CDC42EP1: variants seen among roughly 807,000 people sequenced by gnomAD.
The protein encoded by CDC42EP1 is CDC42 effector protein 1.
Under a neutral mutation model 7.4 loss-of-function variants are expected in CDC42EP1, and 6 were observed. The ratio of observed to expected loss-of-function variants is 0.81; its 90% CI spans 0.44 to 1.60. The LOEUF is 1.60. Ranked by LOEUF, CDC42EP1 falls within the 40% of genes most tolerant of loss-of-function variation. The pLI is 0.01. For synonymous variants in CDC42EP1, 238 were observed against 227.1 expected, an observed-to-expected ratio of 1.05 and a Z score of -0.43; for missense variants, 567 against 539.0, an observed-to-expected ratio of 1.05 and a Z score of -0.51.
At position 37,568,265 on chromosome 22, in the gene CDC42EP1, C is replaced by T; in HGVS notation, c.621C>T (p.Leu207=). 6.2e-7 allele frequency: 1 copy of T among 1,613,720 alleles called. No individual in the cohort carries two copies. Among genetic ancestry groups the T allele is most frequent in the Non-Finnish European group, 8.5e-7 (1 of 1,179,996 alleles). Residue 207 remains leucine, a synonymous_variant, in exon 3 of 3, where the codon CTC becomes CTT. Transcript: ENST00000249014. ...RLDLDLGPSL[L]SELLGVMSLP... ...ACCTCGACCTTGGGCCCTCACTCCT[C>T]AGCGAGCTGCTAGGGGTCATGAGCC...
Position 37,566,821 on chromosome 22 carries a change from C to G in CDC42EP1, c.463+9C>G, listed in dbSNP as rs368331218. On this transcript the variant is annotated intron_variant, in intron 2 of 2. Coordinates refer to ENST00000249014, the MANE Select transcript of CDC42EP1 (RefSeq NM_152243.3). This position sits in a 1 kb window ranked among gnomAD's most constrained non-coding sequence, Gnocchi z 6.4. ...CGGCCACTCCAGCTACGGTGAGGGC[C>G]TGGGCCATCTTGGCCCACTTTTCAG... The G allele has an allele frequency of 7.8e-6, 12 of 1,532,956 alleles. No individual in the cohort carries two copies. Among genetic ancestry groups the G allele is most frequent in the Non-Finnish European group, 1.1e-5 (12 of 1,142,262 alleles). 95.0% of individuals were successfully genotyped at this position (1,532,956 alleles called of 1,614,324 possible). A position where few individuals can be genotyped will look rare whatever the true frequency, so the allele number is the denominator to read the frequency against.
At position 37,566,566 on chromosome 22, in the gene CDC42EP1, A is replaced by G; in HGVS notation, c.217A>G (p.Ser73Gly). Residue 73 changes from serine to glycine, a missense_variant, in exon 2 of 3, where the codon AGC becomes GGC. Transcript: ENST00000249014. This position sits in a 1 kb window ranked among gnomAD's most constrained non-coding sequence, Gnocchi z 6.4. ...CAGCAACCACGGTGGCAGCTCCGGG[A>G]GCACCCATCGCTCACCCCGCAGCTT... ...FLSNHGGSSG[S>G]THRSPRSFLA... 6.2e-7 allele frequency: 1 copy of G among 1,607,144 alleles called. No homozygotes were observed. Among genetic ancestry groups the G allele is most frequent in the East Asian group, 2.2e-5 (1 of 44,712 alleles).
chr22:37,566,585 G>C lies in CDC42EP1; in HGVS notation c.236G>C (p.Arg79Pro), dbSNP rs369211517. 5.0e-6 allele frequency: 8 copies of C among 1,602,080 alleles called. 1 individual carries two copies. The South Asian group carries it at 5.6e-5, about 11-fold the overall frequency. Residue 79 changes from arginine (R) to proline (P), a missense_variant, in exon 2 of 3, where the codon CGC becomes CCC. Coordinates refer to ENST00000249014, the MANE Select transcript of CDC42EP1 (RefSeq NM_152243.3). The surrounding 1 kb of genome is among the most constrained non-coding windows in gnomAD (Gnocchi z 6.4). ...TCCGGGAGCACCCATCGCTCACCCC[G>C]CAGCTTCCTGGCCAAGAAGCTGCAG... The part of the protein sequence containing the change: ...GSSGSTHRSP[R>P]SFLAKKLQLV...
At position 37,560,547 on chromosome 22, in the gene CDC42EP1, G is replaced by T. The variant is rs962510745; in HGVS notation, c.-320G>T. 6.7e-6 allele frequency: 1 copy of T among 150,116 alleles called. No homozygotes were observed. The highest frequency in any genetic ancestry group is 1.5e-5 in the Non-Finnish European group (1 of 67,224). The allele number at this position is 150,116 out of a possible 1,614,324, so 9.3% of individuals were successfully genotyped here. A position where few individuals can be genotyped will look rare whatever the true frequency, so the allele number is the denominator to read the frequency against. On this transcript the variant is annotated 5_prime_UTR_variant, in exon 1 of 3. Transcript: ENST00000249014. ...CGCGGCCGCCGCCGCTGCAGACGAC[G>T]AGTCCGCCCTCGTCCCGCGCCCCCG...
chr22:37,568,526 G>T lies in CDC42EP1; in HGVS notation c.882G>T (p.Leu294Phe). The change falls in exon 3 of 3, where the codon TTG becomes TTT. Residue 294 changes from leucine to phenylalanine, a missense_variant. Transcript: ENST00000249014. ...GHCPNGVTAG[L>F]GPVAEVKSSP... Reference sequence around the variant, plus strand: ...GTCCCAATGGGGTAACAGCTGGGTTGGGCCCAGTGGCTGAGGTGAAGTCCA... The same window carrying T: ...GTCCCAATGGGGTAACAGCTGGGTTTGGCCCAGTGGCTGAGGTGAAGTCCA... 1 of 1,609,892 alleles carries T rather than the reference G, an allele frequency of 6.2e-7. No individual in the cohort carries two copies. Among genetic ancestry groups the T allele is most frequent in the Non-Finnish European group, 8.5e-7 (1 of 1,178,280 alleles).
Position 37,568,543 on chromosome 22 carries a change from T to A in CDC42EP1, c.899T>A (p.Val300Glu). Reference protein sequence around the residue: ...VTAGLGPVAEVKSSPVGGGPR... With the variant: ...VTAGLGPVAEEKSSPVGGGPR... The stretch of plus-strand genomic sequence containing the variant: ...GCTGGGTTGGGCCCAGTGGCTGAGG[T>A]GAAGTCCAGCCCAGTGGGAGGGGGT... Residue 300 changes from valine (V) to glutamate (E), a missense_variant, in exon 3 of 3, where the codon GTG (valine) becomes GAG (glutamate). Transcript: ENST00000249014. The A allele has an allele frequency of 6.2e-7, 1 of 1,608,636 alleles. No homozygotes were observed. The highest frequency in any genetic ancestry group is 1.1e-5 in the South Asian group (1 of 90,248).
chr22:37,568,487 AC>A lies in CDC42EP1; in HGVS notation c.847del (p.His283MetfsTer8). 1 of 1,606,326 alleles carries A rather than the reference AC, an allele frequency of 6.2e-7. No individual in the cohort carries two copies. Among genetic ancestry groups the A allele is most frequent in the Non-Finnish European group, 8.5e-7 (1 of 1,176,484 alleles). ...NPPAPAASSTPHGHCPNGVTA... is the reference protein window; with the variant it reads ...NPPAPAASSTXHGHCPNGVTA... ...CCCCAGCCCCTGCCGCAAGCTCCACACCCCATGGACACTGTCCCAATGGGGT... is the reference window on the plus strand; with the variant it reads ...CCCCAGCCCCTGCCGCAAGCTCCACACCCATGGACACTGTCCCAATGGGGT... On this transcript the variant is annotated frameshift_variant, in exon 3 of 3. Coordinates refer to ENST00000249014, the MANE Select transcript of CDC42EP1 (RefSeq NM_152243.3). LOFTEE classifies it low-confidence loss of function (END_TRUNC).
intron 1 of CDC42EP1, 79 bp downstream of exon 1, chr22:37,560,667 C>A (rs1457275399): frequency 1.3e-5 from 2 of 151,180 alleles, no homozygotes; most frequent in East Asian, 4.0e-4. Context: ...GGACTCTGCA[C>A]CCTACTAGGC....
chr22:37,561,438 C>T (rs1255170123), intron 1 of CDC42EP1, among the ~76,000 whole-genome samples: 3 of 152,204 alleles, frequency 2.0e-5, no homozygotes, highest in Non-Finnish European at 2.9e-5. Flanking sequence ...GGGCACGAAG[C>T]GCGTCTCCTT....
Position 37,569,030 on chromosome 22 carries a change from T to C in CDC42EP1, c.*210T>C. 1 of 396,366 alleles carries C rather than the reference T, an allele frequency of 2.5e-6. No individual in the cohort carries two copies. The highest frequency in any genetic ancestry group is 4.4e-6 in the Non-Finnish European group (1 of 225,208). 24.6% of individuals were successfully genotyped at this position (396,366 alleles called of 1,614,324 possible). On this transcript the variant is annotated 3_prime_UTR_variant, in exon 3 of 3. Transcript: ENST00000249014. Reference sequence around the variant, plus strand: ...CAGAGGCCCTGCCAAACTGACCACCTCCCCCGACTGCCACTCTGGACCTAA... The same window carrying C: ...CAGAGGCCCTGCCAAACTGACCACCCCCCCCGACTGCCACTCTGGACCTAA...
chr22:37,568,522 G>A lies in CDC42EP1; in HGVS notation c.878G>A (p.Gly293Glu), dbSNP rs771060163. The change falls in exon 3 of 3, where the codon GGG becomes GAG. Residue 293 changes from glycine (G) to glutamate (E), a missense_variant. By Grantham distance (98) the Gly-to-Glu change is moderately conservative. Transcript: ENST00000249014. ...CACTGTCCCAATGGGGTAACAGCTGGGTTGGGCCCAGTGGCTGAGGTGAAG... is the reference window on the plus strand; with the variant it reads ...CACTGTCCCAATGGGGTAACAGCTGAGTTGGGCCCAGTGGCTGAGGTGAAG... ...HGHCPNGVTAGLGPVAEVKSS... is the reference protein window; with the variant it reads ...HGHCPNGVTAELGPVAEVKSS... 6.2e-7 allele frequency: 1 copy of A among 1,610,042 alleles called. No individual in the cohort carries two copies. Among genetic ancestry groups the A allele is most frequent in the Middle Eastern group, 1.7e-4 (1 of 6,060 alleles).
chr22:37,566,113 G>A lies in CDC42EP1; in HGVS notation c.-237G>A, dbSNP rs1925224616. 4.9e-6 allele frequency: 2 copies of A among 404,684 alleles called. No individual in the cohort carries two copies. The highest frequency in any genetic ancestry group is 8.7e-6 in the Non-Finnish European group (2 of 228,778). The allele number at this position is 404,684 out of a possible 1,614,324, so 25.1% of individuals were successfully genotyped here. ...AGGAGAGTTGCCGACCACCTCGGGGGTGCTTTCTCTGCGCTTGAACATCTA... is the reference window on the plus strand; with the variant it reads ...AGGAGAGTTGCCGACCACCTCGGGGATGCTTTCTCTGCGCTTGAACATCTA... On this transcript the variant is annotated 5_prime_UTR_variant, in exon 2 of 3. It adds an upstream start codon to the 5' untranslated region. Coordinates refer to ENST00000249014, the MANE Select transcript of CDC42EP1 (RefSeq NM_152243.3). The surrounding 1 kb of genome is among the most constrained non-coding windows in gnomAD (Gnocchi z 6.4).
At chr22:37,560,947 C>G (rs1412827669) in intron 1 of CDC42EP1, among the ~76,000 whole-genome samples, 4 of 146,146 alleles carry the variant, frequency 2.7e-5, no homozygotes, top group African/African-American at 5.1e-5. Context: ...GCGGGCGACG[C>G]GGCGGAATGT....
intron 1 of CDC42EP1, among the ~76,000 whole-genome samples, chr22:37,561,459 C>T (rs987464582): frequency 3.2e-4 from 49 of 152,332 alleles, no homozygotes; most frequent in African/African-American, 1.1e-3. Flanking sequence ...TCCACTTTCC[C>T]CGTCGCTCCC....
chr22:37,567,137 A>G (rs972403120), intron 2 of CDC42EP1, among the ~76,000 whole-genome samples: 50 of 151,768 alleles, frequency 3.3e-4, no homozygotes, highest in African/African-American at 1.1e-3. Flanking sequence ...CCTTCCCCTC[A>G]TGTCGGAATG....
intron 1 of CDC42EP1, among the ~76,000 whole-genome samples, chr22:37,563,024 G>T (rs1339219096): frequency 1.3e-5 from 2 of 151,934 alleles, no homozygotes; most frequent in Admixed American, 1.3e-4. Context: ...TGGGAGGATC[G>T]CTTGAGCCTG....
chr22:37,564,614 C>T (rs1925158742), intron 1 of CDC42EP1: 1 of 152,432 alleles, frequency 6.6e-6, no homozygotes, highest in African/African-American at 2.4e-5. Context: ...AGGGAGGTGA[C>T]TTACTCAGTT....
At chr22:37,563,483 T>C (rs1352841086) in intron 1 of CDC42EP1, among the ~76,000 whole-genome samples, 2 of 151,806 alleles carry the variant, frequency 1.3e-5, no homozygotes, top group African/African-American at 4.8e-5. Flanking sequence ...GGGAAGAAGA[T>C]GATTCAGAAG....
Position 37,568,829 on chromosome 22 carries a change from G to A in CDC42EP1, c.*9G>A, listed in dbSNP as rs1172946241. On this transcript the variant is annotated 3_prime_UTR_variant, in exon 3 of 3. Coordinates refer to ENST00000249014, the MANE Select transcript of CDC42EP1 (RefSeq NM_152243.3). Reference sequence around the variant, plus strand: ...ATGAGGTCAAGGTGTGAGGGGCTGGGGCACGGTCCCAGGGCCCCACCTAGG... The same window carrying A: ...ATGAGGTCAAGGTGTGAGGGGCTGGAGCACGGTCCCAGGGCCCCACCTAGG... The A allele has an allele frequency of 1.4e-6, 2 of 1,458,984 alleles. No individual in the cohort carries two copies. The highest frequency in any genetic ancestry group is 1.5e-5 in the South Asian group (1 of 64,572). 90.4% of individuals were successfully genotyped at this position (1,458,984 alleles called of 1,614,324 possible).
Sources: gnomAD v4.1 joint callset for allele counts (sites outside exome capture counted in the v4.1 genomes callset) on GRCh38, gnomAD v4.1.1 for gene constraint, Gnocchi (gnomAD v3.1) non-coding constraint, MANE v1.5 for transcripts, NCBI Gene and HGNC (gene_info 2026-07-23, HGNC 2026-07-21) for gene names.